OPCML: variants seen among roughly 807,000 people sequenced by gnomAD.
OPCML encodes opioid binding protein/cell adhesion molecule like.
Under a neutral mutation model 37.8 loss-of-function variants are expected in OPCML, and 13 were observed. The observed-to-expected ratio is 0.34, with a 90% CI of 0.22 to 0.55. The LOEUF is 0.55. Ranked by LOEUF, OPCML falls within the 20% of genes least tolerant of loss-of-function variation. OPCML has a pLI of 0.91. For synonymous variants in OPCML, 176 were observed against 168.8 expected, an observed-to-expected ratio of 1.04 and a Z score of -0.33; for missense variants, 341 against 435.6, an observed-to-expected ratio of 0.78 and a Z score of 1.93.
rs1941353660 is a variant in OPCML at position 132,842,795 on chromosome 11, C to A, written c.146+100131G>T. Reference sequence around the variant, plus strand: ...GGACACACTTAAAGCTGAATCCCATCTTGAACATGACCCCGCCACCCTCTC... The same window carrying A: ...GGACACACTTAAAGCTGAATCCCATATTGAACATGACCCCGCCACCCTCTC... On this transcript the variant is annotated intron_variant, in intron 2 of 7. Transcript: ENST00000524381. Among the ~76,000 whole-genome samples the A allele has an allele frequency of 2.0e-5, 3 of 152,194 alleles. No individual in the cohort carries two copies. In the South Asian group the frequency reaches 6.2e-4, roughly 32 times the overall value.
chr11:132,491,604 A>G (rs542565164), intron 4 of OPCML, among the ~76,000 whole-genome samples: 97 of 152,362 alleles, frequency 6.4e-4, no homozygotes, highest in Admixed American at 2.4e-3. Context: ...TTTTATTTTT[A>G]TTCATAGCAT....
intron 2 of OPCML, among the ~76,000 whole-genome samples, chr11:132,828,284 A>G (rs1940482212): frequency 6.6e-6 from 1 of 152,190 alleles, no homozygotes; most frequent in Admixed American, 6.5e-5. Context: ...CTTTAGGGCC[A>G]TAACCACCCG....
chr11:132,766,089 G>T (rs921340138), intron 2 of OPCML, among the ~76,000 whole-genome samples: 1 of 116,956 alleles, frequency 8.6e-6, no homozygotes, highest in Non-Finnish European at 1.7e-5. Flanking sequence ...ATGGTCCCAT[G>T]CTTATAATTT....
At chr11:132,846,388 TA>T (rs1941542131) in intron 2 of OPCML, among the ~76,000 whole-genome samples, 2 of 152,250 alleles carry the variant, frequency 1.3e-5, no homozygotes, top group Non-Finnish European at 1.5e-5. Flanking sequence ...AGTTGGCAGA[TA>T]ATGTCAGAGT....
chr11:132,541,488 T>C (rs1383478500), intron 3 of OPCML, among the ~76,000 whole-genome samples: 1 of 151,136 alleles, frequency 6.6e-6, no homozygotes, highest in Non-Finnish European at 1.5e-5. Flanking sequence ...TAAATGCCAA[T>C]GTTATGGGCT....
intron 1 of OPCML, among the ~76,000 whole-genome samples, chr11:133,050,540 A>C (rs1948110458): frequency 6.6e-6 from 1 of 152,136 alleles, no homozygotes; most frequent in Admixed American, 6.5e-5. Context: ...TGTAAAAATC[A>C]ATAAGGAATA....
intron 1 of OPCML, chr11:133,421,360 A>T (rs185339654): frequency 1.0e-6 from 1 of 985,322 alleles, no homozygotes; most frequent in African/African-American, 1.7e-5. Flanking sequence ...AGCCATCAAG[A>T]TGGAGAACAG....
chr11:133,271,290 C>T (rs936304772), intron 1 of OPCML, among the ~76,000 whole-genome samples: 1 of 152,188 alleles, frequency 6.6e-6, no homozygotes, highest in African/African-American at 2.4e-5. Context: ...AATAATCATC[C>T]TCTCTTGCCA....
At chr11:132,856,024 G>A (rs148656123) in intron 2 of OPCML, among the ~76,000 whole-genome samples, 66 of 152,182 alleles carry the variant, frequency 4.3e-4, no homozygotes, top group Middle Eastern at 6.8e-3. Context: ...TTCAAAAATC[G>A]GTCTTTGCTT....
In OPCML at chr11:132,535,192, ACT is replaced by A. The variant is rs2137328372; in HGVS notation, c.380-6008_380-6007del. ...AGCTACCAGAGTAAAAAGTGCATAA[ACT>A]CTCTAGCTACCAGAGTAAAAAGTGC... On this transcript the variant is annotated intron_variant, in intron 3 of 7. Coordinates refer to ENST00000524381, the MANE Select transcript of OPCML (RefSeq NM_001012393.5). Among the ~76,000 whole-genome samples, 3 of 152,114 alleles carry A rather than the reference ACT, an allele frequency of 2.0e-5. No homozygotes were observed. In the South Asian group the frequency reaches 6.3e-4, roughly 32 times the overall value.
At chr11:132,932,851 G>A (rs1048362865) in intron 2 of OPCML, among the ~76,000 whole-genome samples, 2 of 151,800 alleles carry the variant, frequency 1.3e-5, no homozygotes, top group South Asian at 2.1e-4. Flanking sequence ...CAGTGAAGTG[G>A]ATATCTATTC....
At chr11:133,199,060 G>A (rs1938653627) in intron 1 of OPCML, among the ~76,000 whole-genome samples, 1 of 152,062 alleles carries the variant, frequency 6.6e-6, no homozygotes, top group African/African-American at 2.4e-5. Context: ...ACAAAATAAT[G>A]CATATAAAAA....
intron 2 of OPCML, among the ~76,000 whole-genome samples, chr11:132,694,831 T>C (rs1943545215): frequency 6.6e-6 from 1 of 152,190 alleles, no homozygotes; most frequent in Non-Finnish European, 1.5e-5. Flanking sequence ...CCTTCCTTCC[T>C]TAGTTTTGTT....
At chr11:133,142,561 A>G (rs902056248) in intron 1 of OPCML, among the ~76,000 whole-genome samples, 1 of 152,170 alleles carries the variant, frequency 6.6e-6, no homozygotes, top group Non-Finnish European at 1.5e-5. Flanking sequence ...TTTAATCCCT[A>G]GACTATCAGG....
At chr11:132,523,465 T>A (rs2096299559) in intron 4 of OPCML, among the ~76,000 whole-genome samples, 1 of 61,982 alleles carries the variant, frequency 1.6e-5, no homozygotes, top group African/African-American at 3.2e-5. Flanking sequence ...CTAGTTCTTA[T>A]TTAGGACTAA....
intron 1 of OPCML, among the ~76,000 whole-genome samples, chr11:133,359,360 C>A (rs1237950946): frequency 2.0e-5 from 3 of 152,164 alleles, no homozygotes; most frequent in Non-Finnish European, 4.4e-5. Context: ...TGTTCACATT[C>A]ATGAGGATGC....
At chr11:133,181,955 C>A (rs1048251077) in intron 1 of OPCML, among the ~76,000 whole-genome samples, 5 of 152,180 alleles carry the variant, frequency 3.3e-5, no homozygotes, top group Non-Finnish European at 7.3e-5. Flanking sequence ...AATCTGCCTT[C>A]AACAAGGCCA....
At chr11:132,803,473 T>G (rs1009269119) in intron 2 of OPCML, among the ~76,000 whole-genome samples, 5 of 152,204 alleles carry the variant, frequency 3.3e-5, no homozygotes, top group South Asian at 2.1e-4. Flanking sequence ...CCACCACTTT[T>G]TCTGCACCTC....
intron 2 of OPCML, among the ~76,000 whole-genome samples, chr11:132,669,411 G>A (rs1481948304): frequency 2.9e-5 from 1 of 34,836 alleles, no homozygotes; most frequent in Non-Finnish European, 6.4e-5. Flanking sequence ...CATGGAAAAG[G>A]GAAAAGGGAA....
Sources: allele counts gnomAD v4.1 joint callset (sites outside exome capture counted in the v4.1 genomes callset), GRCh38; gene constraint gnomAD v4.1.1; transcripts MANE v1.5; gene names NCBI Gene and HGNC (gene_info 2026-07-23, HGNC 2026-07-21).